The following C4orf36 variants were observed in gnomAD, a reference collection of about 807,000 sequenced individuals.
The protein encoded by C4orf36 is uncharacterized protein C4orf36.
C4orf36 carries 11 observed loss-of-function variants against 12.2 expected under a neutral mutation model. The ratio of observed to expected loss-of-function variants is 0.90; its 90% CI spans 0.57 to 1.49. The LOEUF (loss-of-function observed/expected upper bound fraction) is 1.49. Among genes scored for constraint, C4orf36 ranks in the 40% most tolerant of loss-of-function variants. The pLI is 0.00. For synonymous variants in C4orf36, 54 were observed against 51.3 expected (o/e 1.05, Z -0.22); for missense variants, 137 against 133.9 (o/e 1.02, Z -0.11).
chr4:86,928,624 G>T, the C4orf36 span, among the ~76,000 whole-genome samples: 2 of 152,220 alleles, frequency 1.3e-5, no homozygotes, highest in African/African-American at 4.8e-5. Flanking sequence ...TGTTGAAGCA[G>T]GCTGAGCTGA....
upstream of C4orf36, chr4:86,892,455 A>G: frequency 1.0e-6 from 1 of 985,176 alleles, no homozygotes; most frequent in Non-Finnish European, 1.2e-6. Flanking sequence ...AGCCTCAACA[A>G]AGGGCTTTGT....
chr4:86,927,587 T>G, the C4orf36 span, among the ~76,000 whole-genome samples: 141,401 of 152,162 alleles, frequency 0.93, 66,378 homozygotes, highest in Non-Finnish European at 1. Flanking sequence ...GAGGTCAGCA[T>G]TTCAAGACCA....
At chr4:86,922,719 C>T in the C4orf36 span, among the ~76,000 whole-genome samples, 1 of 152,100 alleles carries the variant, frequency 6.6e-6, no homozygotes, top group African/African-American at 2.4e-5. Flanking sequence ...TCCAGCTCAC[C>T]ATCCCCACCT....
chr4:86,917,207 G>T, the C4orf36 span, among the ~76,000 whole-genome samples: 1 of 152,096 alleles, frequency 6.6e-6, no homozygotes, highest in African/African-American at 2.4e-5. Context: ...TTGAGCCCAG[G>T]AATTCGAGGC....
chr4:86,892,514 G>A (rs1747468248), upstream of C4orf36: 5 of 958,504 alleles, frequency 5.2e-6, no homozygotes, highest in African/African-American at 1.8e-5. Context: ...CGGGAGACGC[G>A]CCCCGCGGGG....
intron 4 of C4orf36, among the ~76,000 whole-genome samples, chr4:86,877,461 G>T (rs969734944): frequency 6.6e-6 from 1 of 152,212 alleles, no homozygotes; most frequent in Non-Finnish European, 1.5e-5. Context: ...GAATGTTTCT[G>T]GTTGGCAGAT....
At chr4:86,903,918 G>A in the C4orf36 span, among the ~76,000 whole-genome samples, 1 of 152,154 alleles carries the variant, frequency 6.6e-6, no homozygotes, top group Non-Finnish European at 1.5e-5. Context: ...TAGACACAGA[G>A]CGCTGATTGG....
At chr4:86,899,828 C>G in the C4orf36 span, among the ~76,000 whole-genome samples, 1 of 152,134 alleles carries the variant, frequency 6.6e-6, no homozygotes, top group East Asian at 1.9e-4. Context: ...GAGCCCCTGT[C>G]TCAAATAAAT....
chr4:86,934,851 G>C, the C4orf36 span: 3 of 152,196 alleles, frequency 2.0e-5, no homozygotes, highest in African/African-American at 7.2e-5. Context: ...CCAATCCCGG[G>C]AGGGCCGCGA....
chr4:86,883,833 C>T (rs1747102017), intron 4 of C4orf36, among the ~76,000 whole-genome samples: 1 of 151,940 alleles, frequency 6.6e-6, no homozygotes, highest in Non-Finnish European at 1.5e-5. Context: ...TTCGAGACCA[C>T]CCTGGCCAAC....
intron 3 of C4orf36, 80 bp from the exon 4 acceptor site, chr4:86,887,973 C>A: frequency 6.3e-7 from 1 of 1,576,244 alleles, no homozygotes; most frequent in Non-Finnish European, 8.7e-7. Context: ...TATCATACAG[C>A]AAAATCCATA....
At chr4:86,931,701 T>C in the C4orf36 span, among the ~76,000 whole-genome samples, 4 of 152,116 alleles carry the variant, frequency 2.6e-5, no homozygotes, top group South Asian at 8.3e-4. Context: ...CCTGGCCTTA[T>C]TTTATTCTAT....
the C4orf36 span, among the ~76,000 whole-genome samples, chr4:86,908,955 A>G: frequency 6.6e-6 from 1 of 152,176 alleles, no homozygotes; most frequent in South Asian, 2.1e-4. Flanking sequence ...CTTGGGAGGA[A>G]GTGCTTGTAC....
the C4orf36 span, among the ~76,000 whole-genome samples, chr4:86,931,675 G>C: frequency 6.6e-6 from 1 of 152,146 alleles, no homozygotes; most frequent in African/African-American, 2.4e-5. Flanking sequence ...CTGGGATTCT[G>C]AACGTGATCA....
the C4orf36 span, chr4:86,934,528 T>C: frequency 6.6e-6 from 1 of 152,218 alleles, no homozygotes; most frequent in Non-Finnish European, 1.5e-5. Context: ...ATGGGAACAA[T>C]ATATCTGTTT....
chr4:86,906,561 C>T, the C4orf36 span, among the ~76,000 whole-genome samples: 1 of 150,876 alleles, frequency 6.6e-6, no homozygotes. Flanking sequence ...AACCTAATCT[C>T]TACCAAAAAC....
intron 2 of C4orf36, chr4:86,890,252 G>A (rs1747350989): frequency 2.6e-6 from 1 of 388,050 alleles, no homozygotes; most frequent in South Asian, 1.9e-5. Flanking sequence ...CTGAGGTGCA[G>A]AGAACAACTT....
the C4orf36 span, among the ~76,000 whole-genome samples, chr4:86,912,254 C>T: frequency 6.6e-5 from 10 of 152,340 alleles, no homozygotes; most frequent in South Asian, 8.3e-4. Flanking sequence ...CTCCTGGCCT[C>T]AAGTGATCCT....
the C4orf36 span, among the ~76,000 whole-genome samples, chr4:86,898,332 C>A: frequency 6.6e-6 from 1 of 151,784 alleles, no homozygotes; most frequent in Non-Finnish European, 1.5e-5. Flanking sequence ...GCAGAGGTTG[C>A]AGTGAGCCGA....
Sources: gnomAD v4.1 joint callset for allele counts (sites outside exome capture counted in the v4.1 genomes callset) on GRCh38, gnomAD v4.1.1 for gene constraint, MANE v1.5 for transcripts, NCBI Gene and HGNC (gene_info 2026-07-23, HGNC 2026-07-21) for gene names.